NRG3: variants seen among roughly 807,000 people sequenced by gnomAD.
The protein encoded by NRG3 is pro-neuregulin-3, membrane-bound isoform.
A neutral mutation model predicts 66.9 loss-of-function variants in NRG3; 31 were observed. That is an observed-to-expected ratio of 0.46 (90% CI 0.35 to 0.63). NRG3 has a LOEUF of 0.63. Ranked by LOEUF, NRG3 falls within the 20% of genes least tolerant of loss-of-function variation. The probability of loss-of-function intolerance (pLI) is 0.00; values close to 1 mark genes in which losing one functional copy is unlikely to be tolerated. For synonymous variants in NRG3, 393 were observed against 359.4 expected (o/e 1.09, Z -1.06); for missense variants, 910 against 878.9 (o/e 1.04, Z -0.45).
At chr10:82,280,327 A>T (rs1034478638) in intron 1 of NRG3, among the ~76,000 whole-genome samples, 5 of 150,242 alleles carry the variant, frequency 3.3e-5, no homozygotes, top group African/African-American at 1.2e-4. Context: ...TCAAGTGACA[A>T]TTTTTTTTTT....
rs376319394 is a variant in NRG3 at position 82,116,733 on chromosome 10, A to C, written c.823+240570A>C. On this transcript the variant is annotated intron_variant, in intron 1 of 8. Transcript: ENST00000372141. Reference sequence around the variant, plus strand: ...TGGTCCATGGCAGGACGCCCAAGTGAATCTTTGTGTCTGGGAAACTTAGAT... The same window carrying C: ...TGGTCCATGGCAGGACGCCCAAGTGCATCTTTGTGTCTGGGAAACTTAGAT... 2.6e-5 allele frequency among the ~76,000 whole-genome samples: 4 copies of C among 152,134 alleles called. No individual in the cohort carries two copies. The East Asian group carries it at 7.7e-4, about 29-fold the overall frequency.
intron 1 of NRG3, 132 bp from the exon 2 acceptor site, chr10:82,358,607 G>A: frequency 1.7e-6 from 2 of 1,204,538 alleles, no homozygotes; most frequent in Non-Finnish European, 2.4e-6. Context: ...GAGGGTTGGA[G>A]CTGTCTGTCT....
intron 2 of NRG3, among the ~76,000 whole-genome samples, chr10:82,521,080 A>G (rs1313460269): frequency 6.6e-6 from 1 of 152,186 alleles, no homozygotes; most frequent in Non-Finnish European, 1.5e-5. Context: ...AATAAATCAA[A>G]TACTGCAATT....
chr10:82,703,424 A>G (rs1332015383), intron 2 of NRG3, among the ~76,000 whole-genome samples: 1 of 152,144 alleles, frequency 6.6e-6, no homozygotes. Flanking sequence ...TTAAGGAGCT[A>G]GCTACCCCAA....
At chr10:82,346,809 A>C (rs1027938789) in intron 1 of NRG3, among the ~76,000 whole-genome samples, 10 of 152,008 alleles carry the variant, frequency 6.6e-5, no homozygotes, top group African/African-American at 2.4e-4. Context: ...TGTATGTGTC[A>C]AGGAATTTAT....
intron 1 of NRG3, among the ~76,000 whole-genome samples, chr10:82,341,560 A>G (rs573196138): frequency 7.0e-4 from 106 of 152,274 alleles, no homozygotes; most frequent in African/African-American, 2.1e-3. Flanking sequence ...TGTTAAAACT[A>G]TAAGTCCTAA....
intron 1 of NRG3, among the ~76,000 whole-genome samples, chr10:82,085,432 C>T (rs1395414717): frequency 2.0e-5 from 3 of 151,964 alleles, no homozygotes; most frequent in African/African-American, 7.3e-5. Context: ...TTATATTGTT[C>T]TGGGGGCTGA....
chr10:82,766,238 C>T (rs2059508217), intron 3 of NRG3, among the ~76,000 whole-genome samples: 1 of 152,106 alleles, frequency 6.6e-6, no homozygotes, highest in East Asian at 1.9e-4. Context: ...AAGTAAACAG[C>T]AGCAACCACC....
At chr10:82,504,903 C>T (rs910170402) in intron 2 of NRG3, among the ~76,000 whole-genome samples, 1 of 151,836 alleles carries the variant, frequency 6.6e-6, no homozygotes, top group African/African-American at 2.4e-5. Flanking sequence ...CATAAACACA[C>T]ATTCCCATTA....
chr10:82,707,997 G>A (rs1323533238), intron 2 of NRG3, among the ~76,000 whole-genome samples: 2 of 151,874 alleles, frequency 1.3e-5, no homozygotes, highest in Non-Finnish European at 2.9e-5. Flanking sequence ...ACTCCATCCT[G>A]GGCAACACAG....
At chr10:82,323,489 C>CTTTTT (rs112236835) in intron 1 of NRG3, among the ~76,000 whole-genome samples, 1 of 136,770 alleles carries the variant, frequency 7.3e-6, no homozygotes, top group African/African-American at 2.7e-5. Flanking sequence ...ACATATTATC[C>CTTTTT]TTTTTTTTTT....
intron 2 of NRG3, among the ~76,000 whole-genome samples, chr10:82,462,791 G>A (rs2091581020): frequency 6.6e-6 from 1 of 152,192 alleles, no homozygotes; most frequent in African/African-American, 2.4e-5. Flanking sequence ...TCTGATTTGA[G>A]TTTATTGAGT....
intron 4 of NRG3, among the ~76,000 whole-genome samples, chr10:82,922,588 A>G (rs1002876179): frequency 6.6e-6 from 1 of 152,126 alleles, no homozygotes; most frequent in Non-Finnish European, 1.5e-5. Flanking sequence ...GCACCTGTGG[A>G]TGATAGAGGA....
intron 1 of NRG3, among the ~76,000 whole-genome samples, chr10:82,151,032 T>C (rs1291767691): frequency 6.6e-6 from 1 of 152,200 alleles, no homozygotes; most frequent in Non-Finnish European, 1.5e-5. Context: ...TTCAATCTCC[T>C]TGTGCAAAAT....
chr10:81,992,195 A>C (rs578181877), intron 1 of NRG3, among the ~76,000 whole-genome samples: 13 of 152,266 alleles, frequency 8.5e-5, no homozygotes, highest in African/African-American at 2.9e-4. Flanking sequence ...TTAAAAAATA[A>C]AATTATTTTT....
At chr10:82,888,969 C>T (rs559922016) in intron 4 of NRG3, among the ~76,000 whole-genome samples, 2 of 151,948 alleles carry the variant, frequency 1.3e-5, no homozygotes, top group African/African-American at 4.8e-5. Context: ...GCGGAATGAG[C>T]AAGGGGAGGA....
chr10:82,192,886 G>A (rs915194327), intron 1 of NRG3, among the ~76,000 whole-genome samples: 1 of 151,964 alleles, frequency 6.6e-6, no homozygotes, highest in African/African-American at 2.4e-5. Context: ...GATGGTCAGG[G>A]AGAACAACTT....
chr10:82,215,216 G>A lies in NRG3; in HGVS notation c.824-143523G>A, dbSNP rs374234000. On this transcript the variant is annotated intron_variant, in intron 1 of 8. Coordinates refer to ENST00000372141, the MANE Select transcript of NRG3 (RefSeq NM_001010848.4). The stretch of plus-strand genomic sequence containing the variant: ...CTGGAACGAATGCATTTAATAATAG[G>A]TCAGATGAGCAAAAATGGTTGTAAT... Among the ~76,000 whole-genome samples the A allele has an allele frequency of 6.2e-4, 95 of 152,234 alleles. 1 individual carries two copies. In the South Asian group the frequency reaches 0.018, roughly 30 times the overall value.
chr10:82,840,010 C>A (rs1372740181), intron 3 of NRG3, among the ~76,000 whole-genome samples: 1 of 152,114 alleles, frequency 6.6e-6, no homozygotes, highest in African/African-American at 2.4e-5. Context: ...AAAAGTATGG[C>A]TTTCATTATC....
Sources: allele counts gnomAD v4.1 joint callset (sites outside exome capture counted in the v4.1 genomes callset), GRCh38; gene constraint gnomAD v4.1.1; transcripts MANE v1.5; gene names NCBI Gene and HGNC (gene_info 2026-07-23, HGNC 2026-07-21).